WNK3: variants seen among roughly 807,000 people sequenced by gnomAD.
WNK3 encodes serine/threonine-protein kinase WNK3.
Under a neutral mutation model 116.7 loss-of-function variants are expected in WNK3, and 18 were observed. The ratio of observed to expected loss-of-function variants is 0.15; its 90% confidence interval spans 0.11 to 0.23. WNK3 has a LOEUF of 0.23. WNK3 is among the 10% of genes least tolerant of loss of function. WNK3 has a pLI of 1.00. For synonymous variants in WNK3, 404 were observed against 469.4 expected, an observed-to-expected ratio of 0.86 and a Z score of 1.80; for missense variants, 993 against 1,323.8, an observed-to-expected ratio of 0.75 and a Z score of 3.88.
chrX:54,283,432 C>G lies in WNK3; in HGVS notation c.2037+9456G>C, dbSNP rs1219406878. Among the ~76,000 whole-genome samples the G allele has an allele frequency of 2.7e-5, 3 of 111,087 alleles. No homozygotes were observed. In the Admixed American group the frequency reaches 2.9e-4, roughly 11 times the overall value. On this transcript the variant is annotated intron_variant, in intron 10 of 23. Coordinates refer to ENST00000354646, the Ensembl canonical transcript of WNK3. The stretch of plus-strand genomic sequence containing the variant: ...TCTTCAGAAAAATGCAAATCAAAAC[C>G]ACAATGAGATACCACATCACACCCA...
intron 15 of WNK3, among the ~76,000 whole-genome samples, chrX:54,251,185 C>T (rs1012896216): frequency 3.6e-5 from 4 of 111,512 alleles, no homozygotes; most frequent in African/African-American, 1.3e-4. Context: ...CACCCAATAA[C>T]TCAAAAATAA....
At chrX:54,269,359 T>A (rs939077259) in intron 10 of WNK3, among the ~76,000 whole-genome samples, 4 of 111,500 alleles carry the variant, frequency 3.6e-5, no homozygotes, top group Admixed American at 9.6e-5. Context: ...AAAATGCAAG[T>A]TAAAAACCAC....
chrX:54,311,375 G>T, intron 2 of WNK3, 84 bp from the exon 3 acceptor site: 1 of 695,272 alleles, frequency 1.4e-6, no homozygotes, highest in Non-Finnish European at 2.2e-6. Flanking sequence ...ATGCTTTATT[G>T]CATATATGCA....
At chrX:54,323,947 T>G (rs1351130295) in intron 2 of WNK3, among the ~76,000 whole-genome samples, 1 of 112,441 alleles carries the variant, frequency 8.9e-6, no homozygotes. Flanking sequence ...ACAAACACAG[T>G]GGCTTAAAAC....
intron 21 of WNK3, among the ~76,000 whole-genome samples, chrX:54,229,355 T>TA (rs1206145069): frequency 3.6e-4 from 38 of 106,457 alleles, no homozygotes; most frequent in Non-Finnish European, 5.2e-4. Context: ...AAATAAAAGT[T>TA]AAAAAAAAAG....
At chrX:54,301,489 G>A (rs2068758322) in intron 6 of WNK3, among the ~76,000 whole-genome samples, 1 of 110,644 alleles carries the variant, frequency 9.0e-6, no homozygotes, top group African/African-American at 3.3e-5. Flanking sequence ...ACTTGTGAGG[G>A]CCTACTGACT....
At chrX:54,338,905 G>A (rs1475594409) in intron 1 of WNK3, among the ~76,000 whole-genome samples, 3 of 107,251 alleles carry the variant, frequency 2.8e-5, no homozygotes, top group Admixed American at 2.0e-4. Flanking sequence ...GGGAGGCTGA[G>A]GCATGAGAAT....
At chrX:54,212,942 G>A (rs1475496120) in intron 22 of WNK3, among the ~76,000 whole-genome samples, 1 of 110,616 alleles carries the variant, frequency 9.0e-6, no homozygotes, top group African/African-American at 3.3e-5. Context: ...CAGCTAAGAG[G>A]GCCTAGAAGC....
chrX:54,225,620 CA>C (rs781823865), intron 22 of WNK3, among the ~76,000 whole-genome samples: 9,312 of 50,756 alleles, frequency 0.18, 912 homozygotes, highest in African/African-American at 0.42. Flanking sequence ...GACTCTGTTT[CA>C]AAAAAAAAAA....
At chrX:54,260,317 C>T (rs1450128544) in intron 10 of WNK3, among the ~76,000 whole-genome samples, 2 of 111,729 alleles carry the variant, frequency 1.8e-5, no homozygotes, top group Non-Finnish European at 3.8e-5. Flanking sequence ...GCAAATATTT[C>T]GGCAAATAGT....
Position 54,342,565 on chromosome X carries a change from CA to C in WNK3, c.-119-8774del, listed in dbSNP as rs781878525. Among the ~76,000 whole-genome samples the C allele has an allele frequency of 6.3e-3, 607 of 96,018 alleles. 2 individuals are homozygous for C. Among genetic ancestry groups the C allele is most frequent in the Middle Eastern group, 0.016 (3 of 189 alleles). The allele number at this position is 96,018 out of a possible 115,157, so 83.4% of individuals were successfully genotyped here. ...TGGGTGACAAGAGTGAAATCTGTCT[CA>C]AAAAAAAAAAAATCTGAAAGCAAAA... On this transcript the variant is annotated intron_variant, in intron 1 of 23. Transcript: ENST00000354646.
chrX:54,204,869 C>T (rs2067535988), intron 22 of WNK3, among the ~76,000 whole-genome samples: 1 of 112,467 alleles, frequency 8.9e-6, no homozygotes, highest in Non-Finnish European at 1.9e-5. Flanking sequence ...CCAATCCCTT[C>T]AGCTTCTAAA....
rs181150005 is a variant in WNK3 at position 54,343,034 on chromosome X, A to G, written c.-119-9242T>C. On this transcript the variant is annotated intron_variant, in intron 1 of 23. Coordinates refer to ENST00000354646, the Ensembl canonical transcript of WNK3. Reference sequence around the variant, plus strand: ...TAGCTAACTTTTTGTATTTTTTTGTAGAGACAGGGTTTTGCCATGTTGCAC... The same window carrying G: ...TAGCTAACTTTTTGTATTTTTTTGTGGAGACAGGGTTTTGCCATGTTGCAC... Among the ~76,000 whole-genome samples the G allele has an allele frequency of 6.5e-3, 719 of 110,238 alleles. 7 individuals are homozygous for G. Among genetic ancestry groups the G allele is most frequent in the African/African-American group, 0.022 (666 of 30,367 alleles).
chrX:54,283,863 A>AG (rs1201554441), intron 10 of WNK3, among the ~76,000 whole-genome samples: 4 of 103,581 alleles, frequency 3.9e-5, no homozygotes, highest in African/African-American at 6.9e-5. Flanking sequence ...ATATTCCTAG[A>AG]GGAAAAAAAA....
intron 22 of WNK3, among the ~76,000 whole-genome samples, chrX:54,215,247 G>A (rs2067673863): frequency 9.0e-6 from 1 of 110,927 alleles, no homozygotes; most frequent in Admixed American, 9.6e-5. Context: ...CCCAGCCCAG[G>A]CTGGACTGTA....
At chrX:54,322,500 A>G (rs1336912310) in intron 2 of WNK3, among the ~76,000 whole-genome samples, 6 of 111,339 alleles carry the variant, frequency 5.4e-5, no homozygotes, top group African/African-American at 2.0e-4. Flanking sequence ...TCGGTAGTTC[A>G]ATGTTAAGAA....
At chrX:54,319,102 G>A (rs904627161) in intron 2 of WNK3, among the ~76,000 whole-genome samples, 26 of 110,199 alleles carry the variant, frequency 2.4e-4, no homozygotes, top group African/African-American at 7.9e-4. Context: ...AGTCTTAAGT[G>A]CCCCTATAAC....
At chrX:54,315,985 G>A (rs1375808795) in intron 2 of WNK3, among the ~76,000 whole-genome samples, 1 of 111,263 alleles carries the variant, frequency 9.0e-6, no homozygotes, top group Non-Finnish European at 1.9e-5. Context: ...AAATGACCCC[G>A]TCTACCCTTT....
rs3007022 is a variant in WNK3, at chrX:54,298,107, T to C, written c.1398+68A>G. 404 of 749,828 alleles carry C rather than the reference T, an allele frequency of 5.4e-4. 1 individual carries two copies. The African/African-American group carries it at 7.4e-3, about 14-fold the overall frequency. 61.8% of individuals were successfully genotyped at this position (749,828 alleles called of 1,213,427 possible). A position where few individuals can be genotyped will look rare whatever the true frequency, so the allele number is the denominator to read the frequency against. ...GAGAAAATGAGAGGAAAGAAAGCAA[T>C]GAGAAGGAGCAAGGAATGAACTCTG... On this transcript the variant is annotated intron_variant, in intron 7 of 23. Transcript: ENST00000354646.
Sources: allele counts gnomAD v4.1 joint callset (sites outside exome capture counted in the v4.1 genomes callset), GRCh38; gene constraint gnomAD v4.1.1; transcripts MANE v1.5; gene names NCBI Gene and HGNC (gene_info 2026-07-23, HGNC 2026-07-21).